CDC25C: variants seen among roughly 807,000 people sequenced by gnomAD.
CDC25C encodes the protein M-phase inducer phosphatase 3.
Under a neutral mutation model 52.5 loss-of-function variants are expected in CDC25C, and 48 were observed. That is an observed-to-expected ratio of 0.91 (90% CI 0.72 to 1.16). The LOEUF is 1.16. Among genes scored for constraint, CDC25C ranks in the 50% most tolerant of loss-of-function variants. The probability of loss-of-function intolerance (pLI) is 0.00; values close to 1 mark genes in which losing one functional copy is unlikely to be tolerated. For synonymous variants in CDC25C, 187 were observed against 206.5 expected (o/e 0.91, Z 0.81); for missense variants, 510 against 566.1 (o/e 0.90, Z 1.01).
chr5:138,326,682 T>C (rs1266983362), intron 4 of CDC25C, among the ~76,000 whole-genome samples: 1 of 152,090 alleles, frequency 6.6e-6, no homozygotes, highest in Non-Finnish European at 1.5e-5. Flanking sequence ...GGCGGGGCGC[T>C]GTGGCCCACG....
At chr5:138,286,454 A>C (rs1347249977) in intron 12 of CDC25C, 43 bp downstream of exon 12, 6 of 1,578,668 alleles carry the variant, frequency 3.8e-6, no homozygotes, top group Non-Finnish European at 5.2e-6. Flanking sequence ...GTCCAACTCA[A>C]AATCCATTTC....
intron 4 of CDC25C, among the ~76,000 whole-genome samples, chr5:138,327,210 G>A (rs1759958097): frequency 6.7e-6 from 1 of 149,750 alleles, no homozygotes; most frequent in African/African-American, 2.5e-5. Context: ...AGCCAAAATC[G>A]CACCACTGCA....
intron 7 of CDC25C, 116 bp downstream of exon 7, chr5:138,319,103 T>C (rs1260545088): frequency 3.5e-6 from 3 of 852,298 alleles, no homozygotes; most frequent in Non-Finnish European, 5.5e-6. Flanking sequence ...GGTTGCTGGA[T>C]TCACTAGTTA....
chr5:138,288,573 G>A (rs896360403), intron 10 of CDC25C, among the ~76,000 whole-genome samples: 1 of 152,092 alleles, frequency 6.6e-6, no homozygotes, highest in Admixed American at 6.5e-5. Flanking sequence ...GCTGGCACCT[G>A]TAATCCCAGC....
intron 7 of CDC25C, among the ~76,000 whole-genome samples, chr5:138,312,877 G>A (rs1419022969): frequency 6.6e-6 from 1 of 151,940 alleles, no homozygotes; most frequent in African/African-American, 2.4e-5. Flanking sequence ...TTTTTTTAAA[G>A]AGAATGAAAT....
intron 7 of CDC25C, among the ~76,000 whole-genome samples, chr5:138,293,441 T>C (rs569774225): frequency 5.1e-4 from 78 of 151,566 alleles, no homozygotes; most frequent in South Asian, 1.0e-3. Context: ...AAAGGTAGGG[T>C]AGGAAAGGAG....
intron 4 of CDC25C, among the ~76,000 whole-genome samples, chr5:138,328,010 G>A (rs1760036926): frequency 6.6e-6 from 1 of 152,192 alleles, no homozygotes; most frequent in Non-Finnish European, 1.5e-5. Flanking sequence ...GCGATTACAG[G>A]CATGTGCCAC....
chr5:138,322,062 C>G (rs1017887469), intron 6 of CDC25C, among the ~76,000 whole-genome samples: 8 of 130,070 alleles, frequency 6.2e-5, no homozygotes, highest in African/African-American at 2.3e-4. Context: ...AGTGCAGTGG[C>G]GCGATCTTGG....
At chr5:138,326,978 T>G (rs1580815644) in intron 4 of CDC25C, among the ~76,000 whole-genome samples, 3 of 122,082 alleles carry the variant, frequency 2.5e-5, no homozygotes, top group Admixed American at 8.8e-5. Flanking sequence ...AAAAAAAGGC[T>G]GGGCGCGGGG....
At chr5:138,297,826 T>C (rs994269899) in intron 7 of CDC25C, among the ~76,000 whole-genome samples, 4 of 152,122 alleles carry the variant, frequency 2.6e-5, no homozygotes, top group Non-Finnish European at 5.9e-5. Flanking sequence ...ACACAGGGGT[T>C]GGGAAGTCTG....
At chr5:138,302,496 T>G (rs921957427) in intron 7 of CDC25C, among the ~76,000 whole-genome samples, 13 of 151,028 alleles carry the variant, frequency 8.6e-5, no homozygotes, top group Admixed American at 3.3e-4. Flanking sequence ...GGTCGGGAGT[T>G]TGAGACCAGA....
intron 7 of CDC25C, among the ~76,000 whole-genome samples, chr5:138,308,118 G>A (rs1462824748): frequency 2.0e-5 from 3 of 152,100 alleles, no homozygotes; most frequent in Admixed American, 6.5e-5. Context: ...CCTACTGTGC[G>A]GCCCGGTTCC....
chr5:138,292,210 C>T (rs1668901605), intron 7 of CDC25C, 94 bp from the exon 8 acceptor site: 1 of 998,012 alleles, frequency 1.0e-6, no homozygotes, highest in Non-Finnish European at 1.5e-6. Context: ...CTTTGAAATG[C>T]AGGTTTCCAG....
intron 7 of CDC25C, among the ~76,000 whole-genome samples, chr5:138,302,930 G>A (rs1757742877): frequency 6.6e-6 from 1 of 151,762 alleles, no homozygotes; most frequent in Non-Finnish European, 1.5e-5. Context: ...CTAGCCAGGG[G>A]TGACTGTGTT....
chr5:138,307,599 T>G (rs1463116734), intron 7 of CDC25C, among the ~76,000 whole-genome samples: 1 of 151,918 alleles, frequency 6.6e-6, no homozygotes, highest in African/African-American at 2.4e-5. Flanking sequence ...AGGACAATTT[T>G]AAAACATTTT....
intron 6 of CDC25C, among the ~76,000 whole-genome samples, chr5:138,323,346 T>C (rs2126811969): frequency 6.6e-6 from 1 of 152,314 alleles, no homozygotes; most frequent in South Asian, 2.1e-4. Context: ...ACTCCTGTGC[T>C]CAAGCAATCC....
intron 6 of CDC25C, among the ~76,000 whole-genome samples, chr5:138,321,743 T>G (rs893351361): frequency 1.2e-5 from 1 of 84,764 alleles, no homozygotes; most frequent in African/African-American, 4.8e-5. Flanking sequence ...AGAGCAAGAC[T>G]CTGTCTCAAA....
rs529613179 is a variant in CDC25C, at chr5:138,324,994, C to T, written c.459+821G>A. On this transcript the variant is annotated intron_variant, in intron 6 of 13. Coordinates refer to ENST00000323760, the MANE Select transcript of CDC25C (RefSeq NM_001790.5). ...CTGAGGAACAAGAATCACTTGAACC[C>T]GGGAGGCAGAGGTTGTAGTGAGCTG... Among the ~76,000 whole-genome samples, 121 of 152,102 alleles carry T rather than the reference C, an allele frequency of 8.0e-4. 2 individuals carry two copies. The South Asian group carries it at 0.013, about 16-fold the overall frequency.
chr5:138,293,104 C>T (rs922865050), intron 7 of CDC25C, among the ~76,000 whole-genome samples: 2 of 152,208 alleles, frequency 1.3e-5, no homozygotes, highest in African/African-American at 2.4e-5. Flanking sequence ...GTTTATCACA[C>T]ACATGGTCCT....
Sources: allele counts gnomAD v4.1 joint callset (sites outside exome capture counted in the v4.1 genomes callset), GRCh38; gene constraint gnomAD v4.1.1; transcripts MANE v1.5; gene names NCBI Gene and HGNC (gene_info 2026-07-23, HGNC 2026-07-21).